The following EYA4 variants were observed in gnomAD, a reference collection of about 807,000 sequenced individuals.
EYA4 encodes the protein EYA transcriptional coactivator and phosphatase 4.
A neutral mutation model predicts 87.9 loss-of-function variants in EYA4; 31 were observed. The ratio of observed to expected loss-of-function variants is 0.35; its 90% CI spans 0.27 to 0.48. The LOEUF is 0.48. Ranked by LOEUF, EYA4 falls within the 20% of genes least tolerant of loss-of-function variation. EYA4 has a pLI of 0.99. For synonymous variants in EYA4, 263 were observed against 270.6 expected, an observed-to-expected ratio of 0.97 and a Z score of 0.28; for missense variants, 678 against 761.4, an observed-to-expected ratio of 0.89 and a Z score of 1.29.
intron 2 of EYA4, among the ~76,000 whole-genome samples, chr6:133,318,111 A>G (rs1326204970): frequency 1.3e-5 from 2 of 152,232 alleles, no homozygotes; most frequent in Non-Finnish European, 2.9e-5. Flanking sequence ...ATTCATGGAA[A>G]TGATGTCCTA....
Position 133,468,469 on chromosome 6 carries a change from G to A in EYA4, c.805-97G>A, listed in dbSNP as rs1795036861. On this transcript the variant is annotated intron_variant, in intron 10 of 19. Coordinates refer to ENST00000355286, the MANE Select transcript of EYA4 (RefSeq NM_004100.5). ...TGGACTCAGAAACAAATGGGGCTGA[G>A]TACTAATCTTTCAGTTACCATAATG... The A allele has an allele frequency of 3.1e-6, 3 of 982,218 alleles. No homozygotes were observed. The African/African-American group carries it at 4.8e-5, about 16-fold the overall frequency. The allele number at this position is 982,218 out of a possible 1,614,324, so 60.8% of individuals were successfully genotyped here.
chr6:133,316,936 T>TAGCATAGAAGCCTTCCTTCGGCC (rs1780673243), intron 2 of EYA4, among the ~76,000 whole-genome samples: 1 of 152,188 alleles, frequency 6.6e-6, no homozygotes, highest in Non-Finnish European at 1.5e-5. Flanking sequence ...AAGCCTAGCT[T>TAGCATAGAAGCCTTCCTTCGGCC]AGCATAGAAG....
At chr6:133,268,022 G>A (rs1362790999) in intron 1 of EYA4, among the ~76,000 whole-genome samples, 1 of 151,958 alleles carries the variant, frequency 6.6e-6, no homozygotes, top group African/African-American at 2.4e-5. Context: ...AAATAGTTTG[G>A]GCATTGAATA....
intron 2 of EYA4, among the ~76,000 whole-genome samples, chr6:133,298,926 CAGCTCTGCTGTGGATAA>C (rs1779151758): frequency 6.6e-6 from 1 of 152,200 alleles, no homozygotes; most frequent in Admixed American, 6.5e-5. Flanking sequence ...TTTGTATCCA[CAGCTCTGCTGTGGATAA>C]AGATAAGTAA....
intron 3 of EYA4, among the ~76,000 whole-genome samples, chr6:133,445,869 C>T (rs533864690): frequency 7.6e-4 from 116 of 152,306 alleles, no homozygotes; most frequent in African/African-American, 2.7e-3. Context: ...CGTGAGCCAC[C>T]GCGCCCGGCC....
intron 2 of EYA4, among the ~76,000 whole-genome samples, chr6:133,280,808 A>G (rs1248331570): frequency 6.6e-6 from 1 of 152,110 alleles, no homozygotes; most frequent in African/African-American, 2.4e-5. Context: ...ACCACAGTCA[A>G]TTTTAGAGGA....
chr6:133,382,018 A>G (rs1331043717), intron 2 of EYA4, among the ~76,000 whole-genome samples: 1 of 152,126 alleles, frequency 6.6e-6, no homozygotes, highest in Admixed American at 6.5e-5. Flanking sequence ...GGTGTTTATT[A>G]TTATGTGCTT....
At chr6:133,431,777 T>A (rs1209769767) in intron 3 of EYA4, among the ~76,000 whole-genome samples, 1 of 152,194 alleles carries the variant, frequency 6.6e-6, no homozygotes, top group East Asian at 1.9e-4. Context: ...TTTATAACAT[T>A]GTGTGTTCCC....
Position 133,358,149 on chromosome 6 carries a change from A to G in EYA4, c.34-24243A>G, listed in dbSNP as rs868692757. Among the ~76,000 whole-genome samples, 9 of 152,320 alleles carry G rather than the reference A, an allele frequency of 5.9e-5. 1 individual carries two copies. In the Middle Eastern group the frequency reaches 0.014, roughly 230 times the overall value. On this transcript the variant is annotated intron_variant, in intron 2 of 19. Coordinates refer to ENST00000355286, the MANE Select transcript of EYA4 (RefSeq NM_004100.5). ...AGTTTATGCTTCAACAGAGCAAAAC[A>G]CAGTGGTCTGAAACTAGTTTAATAG...
rs71771244 is a variant in EYA4 at position 133,294,023 on chromosome 6, TTATATATATATATATATATA to T, written c.33+19231_33+19250del. Among the ~76,000 whole-genome samples, 142 of 78,778 alleles carry T rather than the reference TTATATATATATATATATATA, an allele frequency of 1.8e-3. 9 individuals are homozygous for T. The highest frequency in any genetic ancestry group is 2.5e-3 in the Admixed American group (18 of 7,106). The allele number at this position is 78,778 out of a possible 152,430, so 51.7% of individuals were successfully genotyped here. ...AATTCCTGTGCTCCCTAGGGTGATT[TTATATATATATATATATATA>T]TATATATATATATATATATAATTCT... On this transcript the variant is annotated intron_variant, in intron 2 of 19. Coordinates refer to ENST00000355286, the MANE Select transcript of EYA4 (RefSeq NM_004100.5).
chr6:133,527,339 T>A (rs2128822999), intron 19 of EYA4, among the ~76,000 whole-genome samples: 1 of 152,330 alleles, frequency 6.6e-6, no homozygotes, highest in South Asian at 2.1e-4. Context: ...CTAGACATAT[T>A]TTGTCTGAGA....
At chr6:133,336,489 G>C (rs987251392) in intron 2 of EYA4, among the ~76,000 whole-genome samples, 1 of 152,152 alleles carries the variant, frequency 6.6e-6, no homozygotes, top group Non-Finnish European at 1.5e-5. Context: ...TGTAAGAAAT[G>C]GAGGATGAAT....
chr6:133,481,376 G>A, intron 11 of EYA4, 87 bp from the exon 12 acceptor site: 2 of 1,310,058 alleles, frequency 1.5e-6, no homozygotes, highest in South Asian at 1.2e-5. Flanking sequence ...CTATTGTATA[G>A]GAATTTGTTA....
At chr6:133,484,230 A>G (rs1796497365) in intron 13 of EYA4, among the ~76,000 whole-genome samples, 1 of 152,202 alleles carries the variant, frequency 6.6e-6, no homozygotes, top group Non-Finnish European at 1.5e-5. Flanking sequence ...TACTATACTC[A>G]AAGTTGTATC....
At chr6:133,448,323 T>G in intron 5 of EYA4, 144 bp downstream of exon 5, 1 of 709,726 alleles carries the variant, frequency 1.4e-6, no homozygotes, top group Non-Finnish European at 2.6e-6. Flanking sequence ...TTTAGTTGTT[T>G]ATTGACAGCA....
chr6:133,500,278 C>T (rs954930393), intron 13 of EYA4, among the ~76,000 whole-genome samples: 1 of 152,030 alleles, frequency 6.6e-6, no homozygotes, highest in Non-Finnish European at 1.5e-5. Context: ...GAAAGCTCCA[C>T]CGGTGTTCCC....
At chr6:133,359,023 GA>G (rs1303236832) in intron 2 of EYA4, among the ~76,000 whole-genome samples, 5 of 151,422 alleles carry the variant, frequency 3.3e-5, no homozygotes, top group Non-Finnish European at 7.4e-5. Context: ...GGCCTCGTAA[GA>G]AAAAAAAGGC....
chr6:133,503,313 T>C (rs1798300552), intron 13 of EYA4, among the ~76,000 whole-genome samples: 1 of 152,172 alleles, frequency 6.6e-6, no homozygotes, highest in Non-Finnish European at 1.5e-5. Context: ...GATCTGTAAA[T>C]GCAAAGAATG....
intron 2 of EYA4, among the ~76,000 whole-genome samples, chr6:133,336,490 G>A (rs1374292392): frequency 6.6e-6 from 1 of 152,188 alleles, no homozygotes; most frequent in East Asian, 1.9e-4. Context: ...GTAAGAAATG[G>A]AGGATGAATT....
Sources: allele counts gnomAD v4.1 joint callset (sites outside exome capture counted in the v4.1 genomes callset), GRCh38; gene constraint gnomAD v4.1.1; transcripts MANE v1.5; gene names NCBI Gene and HGNC (gene_info 2026-07-23, HGNC 2026-07-21).